The following SRPK2 variants were observed in gnomAD, a reference collection of about 807,000 sequenced individuals.
SRPK2 encodes SRSF protein kinase 2.
A neutral mutation model predicts 90.8 loss-of-function variants in SRPK2; 21 were observed. That is an observed-to-expected ratio of 0.23 (90% CI 0.16 to 0.33). SRPK2 has a LOEUF of 0.33. Among genes scored for constraint, SRPK2 ranks in the 10% least tolerant of loss-of-function variants. The pLI is 1.00. For synonymous variants in SRPK2, 288 were observed against 311.1 expected (o/e 0.93, Z 0.78); for missense variants, 620 against 869.0 (o/e 0.71, Z 3.60).
chr7:105,138,084 A>G (rs1221711266), intron 11 of SRPK2, among the ~76,000 whole-genome samples: 3 of 152,220 alleles, frequency 2.0e-5, no homozygotes, highest in African/African-American at 4.8e-5. Context: ...ACCTGATGCA[A>G]CAGGTATTGG....
chr7:105,141,896 C>T (rs1388239367), intron 11 of SRPK2, 112 bp downstream of exon 11: 2 of 1,164,462 alleles, frequency 1.7e-6, no homozygotes, highest in African/African-American at 3.1e-5. Flanking sequence ...TAAAACTGAT[C>T]AGTACACACA....
At chr7:105,122,396 A>G (rs551104260) in intron 15 of SRPK2, among the ~76,000 whole-genome samples, 2 of 152,318 alleles carry the variant, frequency 1.3e-5, no homozygotes, top group Non-Finnish European at 2.9e-5. Context: ...TCATAGTAGC[A>G]TCATTCATAA....
At chr7:105,308,658 G>A (rs1282597033) in intron 2 of SRPK2, among the ~76,000 whole-genome samples, 1 of 152,144 alleles carries the variant, frequency 6.6e-6, no homozygotes, top group Non-Finnish European at 1.5e-5. Context: ...TGTATCACAA[G>A]GTGGAAAGTG....
chr7:105,365,798 T>TA (rs1563292491), intron 2 of SRPK2, among the ~76,000 whole-genome samples: 2 of 150,950 alleles, frequency 1.3e-5, no homozygotes, highest in Non-Finnish European at 3.0e-5. Flanking sequence ...TCTTTTAATT[T>TA]AAAAAAACAA....
chr7:105,388,301 G>A (rs1211264392), intron 2 of SRPK2, among the ~76,000 whole-genome samples: 1 of 151,428 alleles, frequency 6.6e-6, no homozygotes, highest in African/African-American at 2.4e-5. Context: ...GCCCCTTCCG[G>A]AAAGGGCCGC....
intron 3 of SRPK2, among the ~76,000 whole-genome samples, chr7:105,176,621 G>GTGTATATATA (rs148629862): frequency 0.035 from 5,190 of 147,586 alleles, 147 homozygotes; most frequent in African/African-American, 0.065. Context: ...ATACGTGTGT[G>GTGTATATATA]TATATATATA....
intron 1 of SRPK2, among the ~76,000 whole-genome samples, chr7:105,394,881 A>G (rs541695661): frequency 8.5e-5 from 13 of 152,298 alleles, no homozygotes; most frequent in African/African-American, 2.6e-4. Flanking sequence ...TTAAAAACAA[A>G]ACAAAACAGC....
At chr7:105,259,788 GC>G (rs1334045273) in intron 2 of SRPK2, among the ~76,000 whole-genome samples, 2 of 152,172 alleles carry the variant, frequency 1.3e-5, no homozygotes, top group African/African-American at 4.8e-5. Context: ...AATGGGGAAA[GC>G]ATTCCCTATT....
intron 2 of SRPK2, among the ~76,000 whole-genome samples, chr7:105,381,013 T>C (rs916090376): frequency 1.2e-4 from 18 of 147,956 alleles, no homozygotes; most frequent in Non-Finnish European, 2.1e-4. Context: ...AATCCCAGCA[T>C]TTTGGAAGGC....
chr7:105,122,593 A>C (rs1272971002), intron 15 of SRPK2, among the ~76,000 whole-genome samples: 1 of 152,184 alleles, frequency 6.6e-6, no homozygotes, highest in Non-Finnish European at 1.5e-5. Flanking sequence ...AAACACTGTG[A>C]CAAGTTCAGC....
chr7:105,290,882 C>A (rs1211257157), intron 2 of SRPK2, among the ~76,000 whole-genome samples: 1 of 144,968 alleles, frequency 6.9e-6, no homozygotes, highest in Non-Finnish European at 1.5e-5. Context: ...ACTAAAAATA[C>A]AAAAAATTGG....
chr7:105,315,762 C>A (rs1390369811), intron 2 of SRPK2, among the ~76,000 whole-genome samples: 1 of 152,138 alleles, frequency 6.6e-6, no homozygotes, highest in Non-Finnish European at 1.5e-5. Context: ...TCCAGATATA[C>A]CCCCAACGAA....
chr7:105,277,746 A>G (rs1563182438), intron 2 of SRPK2, among the ~76,000 whole-genome samples: 1 of 152,208 alleles, frequency 6.6e-6, no homozygotes, highest in Non-Finnish European at 1.5e-5. Flanking sequence ...ATCCCCAATT[A>G]TCACTAACTT....
intron 2 of SRPK2, among the ~76,000 whole-genome samples, chr7:105,227,468 A>G (rs1798851773): frequency 6.6e-6 from 1 of 152,242 alleles, no homozygotes; most frequent in Non-Finnish European, 1.5e-5. Context: ...GCCAAAAAGC[A>G]CATGACAAGA....
intron 2 of SRPK2, among the ~76,000 whole-genome samples, chr7:105,225,985 A>C (rs1798657406): frequency 6.6e-6 from 1 of 152,200 alleles, no homozygotes; most frequent in Admixed American, 6.5e-5. Context: ...AAAATCACAG[A>C]AAGTTCTACT....
chr7:105,362,315 A>C (rs1176374416), intron 2 of SRPK2, among the ~76,000 whole-genome samples: 1 of 152,130 alleles, frequency 6.6e-6, no homozygotes, highest in African/African-American at 2.4e-5. Context: ...ATCATTAAAA[A>C]GTCAGGAAAT....
chr7:105,205,533 A>T (rs950327916), intron 2 of SRPK2, among the ~76,000 whole-genome samples: 220 of 130,010 alleles, frequency 1.7e-3, no homozygotes, highest in African/African-American at 5.6e-3. Flanking sequence ...ACACACACAC[A>T]CACACACACA....
At chr7:105,302,031 A>C (rs1203322364) in intron 2 of SRPK2, 5 of 1,572,646 alleles carry the variant, frequency 3.2e-6, no homozygotes, top group Non-Finnish European at 4.4e-6. Flanking sequence ...CGAGGCTGGA[A>C]CTGGGTTGAT....
chr7:105,184,435 A>T (rs1793313094), intron 3 of SRPK2, among the ~76,000 whole-genome samples: 1 of 152,204 alleles, frequency 6.6e-6, no homozygotes, highest in South Asian at 2.1e-4. Context: ...CAAATACACG[A>T]TCTTTCAAGT....
Sources: gnomAD v4.1 joint callset for allele counts (sites outside exome capture counted in the v4.1 genomes callset) on GRCh38, gnomAD v4.1.1 for gene constraint, MANE v1.5 for transcripts, NCBI Gene and HGNC (gene_info 2026-07-23, HGNC 2026-07-21) for gene names.